The following PSD3 variants were observed in gnomAD, a reference collection of about 807,000 sequenced individuals.
The protein encoded by PSD3 is PH and SEC7 domain-containing protein 3.
In PSD3, 49 loss-of-function variants were observed where a neutral mutation model predicts 105.5. The observed-to-expected ratio is 0.46, with a 90% CI of 0.37 to 0.59. The LOEUF (loss-of-function observed/expected upper bound fraction) is 0.59. PSD3 is among the 20% of genes least tolerant of loss of function. The probability of loss-of-function intolerance (pLI) is 0.00; values close to 1 mark genes in which losing one functional copy is unlikely to be tolerated. For missense variants in PSD3, 1,561 were observed against 1,263.8 expected (o/e 1.24, Z -3.57); for synonymous variants, 557 against 457.8 (o/e 1.22, Z -2.77).
intron 2 of PSD3, among the ~76,000 whole-genome samples, chr8:18,883,219 C>A (rs537257597): frequency 6.6e-6 from 1 of 152,310 alleles, no homozygotes; most frequent in African/African-American, 2.4e-5. Flanking sequence ...ATTCTGATTA[C>A]ATTTAATGCC....
intron 9 of PSD3, among the ~76,000 whole-genome samples, chr8:18,745,696 G>A (rs576715704): frequency 1.2e-4 from 19 of 152,274 alleles, no homozygotes; most frequent in Non-Finnish European, 2.1e-4. Context: ...TTCTAGATCC[G>A]CTCGGCAGGC....
chr8:18,848,038 G>C (rs571042947), intron 4 of PSD3, among the ~76,000 whole-genome samples: 1 of 151,844 alleles, frequency 6.6e-6, no homozygotes, highest in Non-Finnish European at 1.5e-5. Context: ...AGAGGGGAAG[G>C]AACACGTGTC....
At chr8:19,075,290 G>A (rs1343776928) in intron 1 of PSD3, among the ~76,000 whole-genome samples, 1 of 152,152 alleles carries the variant, frequency 6.6e-6, no homozygotes, top group African/African-American at 2.4e-5. Context: ...TCCTTGTAGA[G>A]ATAGTCTCTT....
intron 2 of PSD3, among the ~76,000 whole-genome samples, chr8:18,911,669 T>C (rs1025385674): frequency 1.3e-5 from 2 of 152,192 alleles, no homozygotes; most frequent in South Asian, 2.1e-4. Context: ...AAACAGAAAA[T>C]GAAATCTTTA....
chr8:18,828,439 C>A (rs1336077060), intron 4 of PSD3, among the ~76,000 whole-genome samples: 1 of 152,108 alleles, frequency 6.6e-6, no homozygotes, highest in Non-Finnish European at 1.5e-5. Flanking sequence ...AGCTTCGATA[C>A]AAGAAAGCCA....
chr8:18,948,286 G>T (rs1433484653), intron 1 of PSD3, among the ~76,000 whole-genome samples: 1 of 152,062 alleles, frequency 6.6e-6, no homozygotes, highest in African/African-American at 2.4e-5. Flanking sequence ...TTAAACCTTT[G>T]AACACATCTT....
rs542610364 is a variant in PSD3, at chr8:18,708,847, G to GTAGAAC, written c.2173-53168_2173-53163dup. Among the ~76,000 whole-genome samples the GTAGAAC allele has an allele frequency of 3.3e-3, 506 of 152,130 alleles. 1 individual carries two copies. Among genetic ancestry groups the GTAGAAC allele is most frequent in the African/African-American group, 0.012 (491 of 41,488 alleles). On this transcript the variant is annotated intron_variant, in intron 9 of 15. Transcript: ENST00000327040. ...CCCATGGAGAGCAAGAAAAAGCAGG[G>GTAGAAC]TAGAACAATGGCCAACCTGAGAGCC...
chr8:19,037,527 G>T (rs548707735), intron 1 of PSD3, among the ~76,000 whole-genome samples: 3 of 152,224 alleles, frequency 2.0e-5, no homozygotes, highest in African/African-American at 7.2e-5. Flanking sequence ...GTCTGTGAGG[G>T]TGTTTCCAGA....
chr8:18,654,265 C>T (rs779352291), intron 10 of PSD3, among the ~76,000 whole-genome samples: 3 of 152,262 alleles, frequency 2.0e-5, no homozygotes, highest in Admixed American at 1.3e-4. Flanking sequence ...AATTCCTGCA[C>T]ATTATATGTA....
chr8:18,613,332 C>T (rs1805412677), intron 11 of PSD3, among the ~76,000 whole-genome samples: 1 of 152,074 alleles, frequency 6.6e-6, no homozygotes, highest in Non-Finnish European at 1.5e-5. Flanking sequence ...GGGAAGTTTG[C>T]ACTGTTTGCA....
At chr8:18,736,295 C>T (rs1804146796) in intron 9 of PSD3, among the ~76,000 whole-genome samples, 1 of 152,092 alleles carries the variant, frequency 6.6e-6, no homozygotes, top group African/African-American at 2.4e-5. Context: ...TCTGTTTCTT[C>T]TTTATATCTA....
upstream of PSD3, among the ~76,000 whole-genome samples, chr8:19,015,009 A>AC (rs1020786189): frequency 6.6e-6 from 1 of 152,030 alleles, no homozygotes; most frequent in African/African-American, 2.4e-5. Context: ...GTTTGGAAGC[A>AC]CCCCAGTCAC....
At chr8:18,579,234 A>T (rs372254112) in intron 12 of PSD3, among the ~76,000 whole-genome samples, 8 of 152,196 alleles carry the variant, frequency 5.3e-5, no homozygotes, top group African/African-American at 1.9e-4. Flanking sequence ...TTTATTTTTC[A>T]CTAAAGGAGA....
chr8:18,634,747 T>G (rs28584705), intron 10 of PSD3, among the ~76,000 whole-genome samples: 5 of 152,140 alleles, frequency 3.3e-5, no homozygotes, highest in Non-Finnish European at 7.4e-5. Context: ...TGGGGAAAGA[T>G]TCCATATAGG....
intron 15 of PSD3, among the ~76,000 whole-genome samples, chr8:18,554,055 A>G (rs990303314): frequency 1.3e-5 from 2 of 152,150 alleles, no homozygotes; most frequent in Non-Finnish European, 2.9e-5. Flanking sequence ...GGTGGGTTAC[A>G]TTTTCAGAAA....
chr8:18,989,087 C>A (rs1019237835), intron 1 of PSD3, among the ~76,000 whole-genome samples: 7 of 152,116 alleles, frequency 4.6e-5, no homozygotes, highest in African/African-American at 1.7e-4. Flanking sequence ...TTTTAAAATT[C>A]TCTTATGAAG....
chr8:18,676,822 C>A (rs1447909121), intron 9 of PSD3, among the ~76,000 whole-genome samples: 2 of 152,210 alleles, frequency 1.3e-5, no homozygotes, highest in Non-Finnish European at 2.9e-5. Context: ...GTCAGAGGAC[C>A]CTGTGCCTCA....
chr8:18,591,852 C>G (rs1265916625), intron 12 of PSD3, among the ~76,000 whole-genome samples: 1 of 152,018 alleles, frequency 6.6e-6, no homozygotes, highest in Admixed American at 6.6e-5. Flanking sequence ...TGCAGTGTTG[C>G]AGACAGACAT....
Position 18,534,400 on chromosome 8 carries a change from AC to A in PSD3, c.*1342del, listed in dbSNP as rs1799750537. ...TCTACAGAAGAATATTCTGTTTATCACCCTGAACTTCAAAGGGACTGTAACT... is the reference window on the plus strand; with the variant it reads ...TCTACAGAAGAATATTCTGTTTATCACCTGAACTTCAAAGGGACTGTAACT... On this transcript the variant is annotated 3_prime_UTR_variant, in exon 16 of 16. Transcript: ENST00000327040. 1 of 152,572 alleles carries A rather than the reference AC, an allele frequency of 6.6e-6. No homozygotes were observed. Among genetic ancestry groups the A allele is most frequent in the South Asian group, 2.1e-4 (1 of 4,814 alleles). The allele number at this position is 152,572 out of a possible 1,614,324, so 9.5% of individuals were successfully genotyped here. A position where few individuals can be genotyped will look rare whatever the true frequency, so the allele number is the denominator to read the frequency against.
Sources: gnomAD v4.1 joint callset for allele counts (sites outside exome capture counted in the v4.1 genomes callset) on GRCh38, gnomAD v4.1.1 for gene constraint, MANE v1.5 for transcripts, NCBI Gene and HGNC (gene_info 2026-07-23, HGNC 2026-07-21) for gene names.